Variants in GALNTL6 observed in about 807,000 individuals in gnomAD.
The protein encoded by GALNTL6 is polypeptide N-acetylgalactosaminyltransferase-like 6.
A neutral mutation model predicts 73.7 loss-of-function variants in GALNTL6; 46 were observed. The ratio of observed to expected loss-of-function variants is 0.62; its 90% CI spans 0.49 to 0.80. The LOEUF (loss-of-function observed/expected upper bound fraction) is 0.80. Ranked by LOEUF, GALNTL6 falls within the 30% of genes least tolerant of loss-of-function variation. The probability of loss-of-function intolerance (pLI) is 0.00; values close to 1 mark genes in which losing one functional copy is unlikely to be tolerated. For missense variants in GALNTL6, 604 were observed against 755.0 expected, an observed-to-expected ratio of 0.80 and a Z score of 2.34; for synonymous variants, 259 against 263.7, an observed-to-expected ratio of 0.98 and a Z score of 0.17.
intron 10 of GALNTL6, among the ~76,000 whole-genome samples, chr4:172,994,770 C>G (rs1243250164): frequency 6.6e-6 from 1 of 152,112 alleles, no homozygotes; most frequent in Non-Finnish European, 1.5e-5. Context: ...CTCTAGAGAA[C>G]TTGAAAAGCC....
intron 5 of GALNTL6, among the ~76,000 whole-genome samples, chr4:172,778,052 G>C (rs988526083): frequency 6.6e-6 from 1 of 152,202 alleles, no homozygotes; most frequent in Non-Finnish European, 1.5e-5. Context: ...TAGCAGAGGA[G>C]CTCACAAAAA....
intron 4 of GALNTL6, among the ~76,000 whole-genome samples, chr4:172,325,538 T>C (rs760928767): frequency 2.6e-5 from 4 of 152,024 alleles, no homozygotes; most frequent in African/African-American, 7.2e-5. Context: ...TGAGCCTGAG[T>C]TCCTTAAAAT....
At chr4:172,049,809 C>T (rs1387300512) in intron 2 of GALNTL6, among the ~76,000 whole-genome samples, 2 of 152,038 alleles carry the variant, frequency 1.3e-5, no homozygotes, top group Non-Finnish European at 2.9e-5. Context: ...CATGGTGGAA[C>T]CCCGTCTCTA....
chr4:172,108,595 G>A (rs759275730), intron 2 of GALNTL6, among the ~76,000 whole-genome samples: 4 of 152,068 alleles, frequency 2.6e-5, no homozygotes, highest in Non-Finnish European at 5.9e-5. Flanking sequence ...AGTCTCATCC[G>A]GAAACACCCT....
chr4:172,546,913 T>G (rs1735793027), intron 5 of GALNTL6, among the ~76,000 whole-genome samples: 1 of 149,546 alleles, frequency 6.7e-6, no homozygotes, highest in Non-Finnish European at 1.5e-5. Context: ...ACACTCACAT[T>G]GTTGTGCAGT....
chr4:172,063,050 C>A (rs1731256459), intron 2 of GALNTL6, among the ~76,000 whole-genome samples: 1 of 152,180 alleles, frequency 6.6e-6, no homozygotes, highest in South Asian at 2.1e-4. Context: ...CTGTTGGCAC[C>A]AGAGTAAGTC....
chr4:172,828,271 CAA>C lies in GALNTL6; in HGVS notation c.923+14564_923+14565del, dbSNP rs35836916. Among the ~76,000 whole-genome samples the C allele has an allele frequency of 1.5e-3, 180 of 122,330 alleles. 1 individual carries two copies. The highest frequency in any genetic ancestry group is 4.4e-3 in the Admixed American group (52 of 11,952). The allele number at this position is 122,330 out of a possible 152,430, so 80.3% of individuals were successfully genotyped here. On this transcript the variant is annotated intron_variant, in intron 7 of 12. Coordinates refer to ENST00000506823, the MANE Select transcript of GALNTL6 (RefSeq NM_001034845.3). ...TGGGTGACAGAGCAAGACTCCATCTCAAAAAAAAAAAAAAAAAGAAACAAACA... is the reference window on the plus strand; with the variant it reads ...TGGGTGACAGAGCAAGACTCCATCTCAAAAAAAAAAAAAAAGAAACAAACA...
rs566628183 is a variant in GALNTL6 at position 171,818,622 on chromosome 4, G to A, written c.138+3904G>A. 2.0e-5 allele frequency among the ~76,000 whole-genome samples: 3 copies of A among 148,302 alleles called. No individual in the cohort carries two copies. The South Asian group carries it at 6.4e-4, about 32-fold the overall frequency. On this transcript the variant is annotated intron_variant, in intron 2 of 12. Coordinates refer to ENST00000506823, the MANE Select transcript of GALNTL6 (RefSeq NM_001034845.3). Reference sequence around the variant, plus strand: ...GTCCTCTATGTCTCTTTGAAATTGTGGAACCCTATTATTTATTTGAATTTC... The same window carrying A: ...GTCCTCTATGTCTCTTTGAAATTGTAGAACCCTATTATTTATTTGAATTTC...
intron 11 of GALNTL6, among the ~76,000 whole-genome samples, chr4:173,019,563 G>T (rs1040935935): frequency 1.3e-5 from 2 of 152,158 alleles, no homozygotes; most frequent in African/African-American, 2.4e-5. Flanking sequence ...ATTCTTCTCT[G>T]CAGGATTTAA....
At chr4:172,832,671 T>C (rs939476603) in intron 7 of GALNTL6, among the ~76,000 whole-genome samples, 3 of 152,154 alleles carry the variant, frequency 2.0e-5, no homozygotes, top group Non-Finnish European at 2.9e-5. Context: ...GCAGACAGCC[T>C]GAGGAGCAAG....
At chr4:172,955,413 A>G (rs1451467083) in intron 10 of GALNTL6, among the ~76,000 whole-genome samples, 7 of 151,996 alleles carry the variant, frequency 4.6e-5, no homozygotes, top group Non-Finnish European at 1.0e-4. Flanking sequence ...GGGAGGTGCC[A>G]CTGCACTCCA....
chr4:172,247,048 C>G (rs1339102392), intron 3 of GALNTL6, among the ~76,000 whole-genome samples: 1 of 152,014 alleles, frequency 6.6e-6, no homozygotes, highest in African/African-American at 2.4e-5. Context: ...TGTAATGAGA[C>G]CATATCAACA....
intron 3 of GALNTL6, among the ~76,000 whole-genome samples, chr4:172,268,797 C>T (rs1186884272): frequency 6.6e-6 from 1 of 152,078 alleles, no homozygotes; most frequent in African/African-American, 2.4e-5. Flanking sequence ...CTCCCTCTTC[C>T]ATGTGAGAAC....
At chr4:172,270,304 A>T (rs991700786) in intron 3 of GALNTL6, among the ~76,000 whole-genome samples, 4 of 152,074 alleles carry the variant, frequency 2.6e-5, no homozygotes, top group Non-Finnish European at 5.9e-5. Context: ...ATATATTCAA[A>T]ATGTGTAAGT....
Position 172,348,670 on chromosome 4 carries a change from A to C in GALNTL6, c.534A>C (p.Val178=), listed in dbSNP as rs1382811868. The change falls in exon 5 of 13, where the codon GTA becomes GTC. Residue 178 remains valine, a synonymous_variant. Transcript: ENST00000506823. ...PGSLIAEIIL[V]DDFSEREHLK... Reference sequence around the variant, plus strand: ...GTCTGATAGCAGAAATCATTCTAGTAGATGACTTCAGTGAGAGAGGTAAGA... The same window carrying C: ...GTCTGATAGCAGAAATCATTCTAGTCGATGACTTCAGTGAGAGAGGTAAGA... 1 of 1,609,294 alleles carries C rather than the reference A, an allele frequency of 6.2e-7. No individual in the cohort carries two copies. The highest frequency in any genetic ancestry group is 1.3e-5 in the African/African-American group (1 of 74,918).
At chr4:171,941,163 T>C (rs180842145) in intron 2 of GALNTL6, among the ~76,000 whole-genome samples, 3 of 152,266 alleles carry the variant, frequency 2.0e-5, no homozygotes, top group African/African-American at 4.8e-5. Flanking sequence ...AGAACTGTCA[T>C]GGATGGTTAA....
intron 2 of GALNTL6, among the ~76,000 whole-genome samples, chr4:172,033,380 T>A (rs1229154099): frequency 2.0e-5 from 3 of 152,082 alleles, no homozygotes; most frequent in Non-Finnish European, 4.4e-5. Flanking sequence ...GGCCATTTTT[T>A]AAAATAAATA....
intron 2 of GALNTL6, among the ~76,000 whole-genome samples, chr4:171,922,449 A>G (rs1181164610): frequency 1.3e-5 from 2 of 152,248 alleles, no homozygotes; most frequent in East Asian, 1.9e-4. Flanking sequence ...ATTCTGCACA[A>G]TCTGGTACTA....
chr4:172,852,050 G>A (rs1743849103), intron 7 of GALNTL6, among the ~76,000 whole-genome samples: 1 of 152,170 alleles, frequency 6.6e-6, no homozygotes, highest in African/African-American at 2.4e-5. Context: ...GCCTTGGCAA[G>A]TGTGACAGCT....
Sources: gnomAD v4.1 joint callset for allele counts (sites outside exome capture counted in the v4.1 genomes callset) on GRCh38, gnomAD v4.1.1 for gene constraint, MANE v1.5 for transcripts, NCBI Gene and HGNC (gene_info 2026-07-23, HGNC 2026-07-21) for gene names.